CDH18: variants seen among roughly 807,000 people sequenced by gnomAD.
CDH18 encodes the protein cadherin-18.
Under a neutral mutation model 67.9 loss-of-function variants are expected in CDH18, and 31 were observed. The observed-to-expected ratio is 0.46, with a 90% CI of 0.34 to 0.62. The LOEUF is 0.62. Among genes scored for constraint, CDH18 ranks in the 20% least tolerant of loss-of-function variants. CDH18 has a pLI of 0.01. For synonymous variants in CDH18, 362 were observed against 347.2 expected (o/e 1.04, Z -0.48); for missense variants, 890 against 975.5 (o/e 0.91, Z 1.17).
chr5:20,517,994 C>T (rs954366361), intron 1 of CDH18, among the ~76,000 whole-genome samples: 2 of 152,156 alleles, frequency 1.3e-5, no homozygotes, highest in East Asian at 1.9e-4. Context: ...CATTCTATTA[C>T]ACTCTTCCAG....
At chr5:19,841,146 C>T (rs889245014) in intron 2 of CDH18, among the ~76,000 whole-genome samples, 2 of 152,150 alleles carry the variant, frequency 1.3e-5, no homozygotes, top group African/African-American at 4.8e-5. Context: ...CTTACTTCAC[C>T]ATTGTGCAAC....
At chr5:20,296,690 A>G (rs1747565270) in intron 1 of CDH18, among the ~76,000 whole-genome samples, 1 of 151,922 alleles carries the variant, frequency 6.6e-6, no homozygotes, top group African/African-American at 2.4e-5. Flanking sequence ...AATATATGTA[A>G]TATATCATTT....
intron 2 of CDH18, among the ~76,000 whole-genome samples, chr5:20,202,310 T>C (rs1265435668): frequency 6.6e-6 from 1 of 152,156 alleles, no homozygotes; most frequent in Non-Finnish European, 1.5e-5. Context: ...GTTTCTTTTG[T>C]TTTTGCTTAG....
At chr5:19,622,407 G>A (rs1750853125) in intron 5 of CDH18, among the ~76,000 whole-genome samples, 1 of 152,188 alleles carries the variant, frequency 6.6e-6, no homozygotes. Flanking sequence ...TGCTACTATC[G>A]CTACCATTTA....
intron 1 of CDH18, among the ~76,000 whole-genome samples, chr5:20,412,820 T>C (rs1746909111): frequency 6.6e-6 from 1 of 152,222 alleles, no homozygotes. Context: ...ATTATTCTTT[T>C]TTTAAAATTA....
At chr5:20,424,745 T>TAAAAAAAAA (rs67349001) in intron 1 of CDH18, among the ~76,000 whole-genome samples, 1 of 42,910 alleles carries the variant, frequency 2.3e-5, no homozygotes, top group Non-Finnish European at 3.7e-5. Context: ...AGACTCTGTC[T>TAAAAAAAAA]AAAAAAAAAA....
chr5:19,995,017 C>T (rs1476798545), intron 2 of CDH18, among the ~76,000 whole-genome samples: 1 of 151,046 alleles, frequency 6.6e-6, no homozygotes, highest in Non-Finnish European at 1.5e-5. Flanking sequence ...AGCACCAATG[C>T]TCAAGGACAG....
chr5:20,518,811 C>T (rs11957461), intron 1 of CDH18, among the ~76,000 whole-genome samples: 1 of 152,206 alleles, frequency 6.6e-6, no homozygotes, highest in South Asian at 2.1e-4. Flanking sequence ...GAAAGTGTTT[C>T]TGCTATTTGT....
chr5:19,812,274 C>G lies in CDH18; in HGVS notation c.228+26485G>C, dbSNP rs572101275. ...AACTGGATATAGAAGCAGAGAGAAG[C>G]AAACAAAGTGTTAAATATGTTAGAA... On this transcript the variant is annotated intron_variant, in intron 3 of 12. Coordinates refer to ENST00000382275, the MANE Select transcript of CDH18 (RefSeq NM_004934.5). Among the ~76,000 whole-genome samples the G allele has an allele frequency of 1.4e-4, 21 of 152,060 alleles. No homozygotes were observed. In the South Asian group the frequency reaches 4.1e-3, roughly 30 times the overall value.
chr5:19,939,269 T>C (rs1794591587), intron 2 of CDH18, among the ~76,000 whole-genome samples: 2 of 151,666 alleles, frequency 1.3e-5, no homozygotes, highest in South Asian at 4.1e-4. Context: ...ACTTTAAATC[T>C]AGCAGTAGTC....
At chr5:19,672,690 A>C (rs1195960906) in intron 5 of CDH18, among the ~76,000 whole-genome samples, 1 of 152,086 alleles carries the variant, frequency 6.6e-6, no homozygotes, top group African/African-American at 2.4e-5. Context: ...TAGTGATGTC[A>C]GTGAAAAAGA....
At position 19,511,070 on chromosome 5, in the gene CDH18, C is replaced by T. The variant is rs1463295424; in HGVS notation, c.1513-7961G>A. Among the ~76,000 whole-genome samples, 6 of 152,176 alleles carry T rather than the reference C, an allele frequency of 3.9e-5. No individual in the cohort carries two copies. In the East Asian group the frequency reaches 1.2e-3, roughly 30 times the overall value. ...CAGATGATCTGCCTGCCTTAGCCTCCCAAAGTACTGGGATTACAGGCATGA... is the reference window on the plus strand; with the variant it reads ...CAGATGATCTGCCTGCCTTAGCCTCTCAAAGTACTGGGATTACAGGCATGA... On this transcript the variant is annotated intron_variant, in intron 10 of 12. Transcript: ENST00000382275.
chr5:19,749,895 C>T (rs1770614035), intron 3 of CDH18, among the ~76,000 whole-genome samples: 2 of 151,572 alleles, frequency 1.3e-5, no homozygotes, highest in South Asian at 4.2e-4. Context: ...CTAATTTGAA[C>T]CTAGATTGTA....
chr5:19,960,304 C>G (rs897395790), intron 2 of CDH18, among the ~76,000 whole-genome samples: 2 of 151,778 alleles, frequency 1.3e-5, no homozygotes, highest in African/African-American at 4.8e-5. Context: ...ATTCTACAAG[C>G]ACTTCTCTAT....
intron 1 of CDH18, among the ~76,000 whole-genome samples, chr5:20,546,782 T>C (rs896260769): frequency 3.4e-5 from 5 of 147,678 alleles, no homozygotes; most frequent in African/African-American, 1.3e-4. Context: ...TGTGCATATA[T>C]ACACACAGTA....
At chr5:20,343,952 G>GT (rs1740491180) in intron 1 of CDH18, among the ~76,000 whole-genome samples, 1 of 152,150 alleles carries the variant, frequency 6.6e-6, no homozygotes, top group Admixed American at 6.5e-5. Flanking sequence ...AAACAGCTAA[G>GT]TTAGCAGCAA....
upstream of CDH18, among the ~76,000 whole-genome samples, chr5:19,989,352 G>A (rs1401339097): frequency 6.6e-6 from 1 of 152,166 alleles, no homozygotes; most frequent in Non-Finnish European, 1.5e-5. Flanking sequence ...AAAGGAACAA[G>A]GACTTAAGAC....
At chr5:19,812,932 C>T (rs1778900075) in intron 3 of CDH18, among the ~76,000 whole-genome samples, 1 of 152,094 alleles carries the variant, frequency 6.6e-6, no homozygotes, top group Non-Finnish European at 1.5e-5. Context: ...AAATGTGGCA[C>T]ATATACGTCA....
chr5:19,777,653 AAAG>A (rs1378770580), intron 3 of CDH18, among the ~76,000 whole-genome samples: 3 of 152,206 alleles, frequency 2.0e-5, no homozygotes, highest in Admixed American at 1.3e-4. Context: ...ATCCTTGATC[AAAG>A]AAGAAGTAGG....
Sources: allele counts gnomAD v4.1 joint callset (sites outside exome capture counted in the v4.1 genomes callset), GRCh38; gene constraint gnomAD v4.1.1; transcripts MANE v1.5; gene names NCBI Gene and HGNC (gene_info 2026-07-23, HGNC 2026-07-21).